Variants in P2RY6 observed in about 807,000 individuals in gnomAD.
P2RY6 encodes P2Y purinoceptor 6.
A neutral mutation model predicts 16.3 loss-of-function variants in P2RY6; 19 were observed. That is an observed-to-expected ratio of 1.16 (90% CI 0.81 to 1.71). The LOEUF is 1.71. Among genes scored for constraint, P2RY6 ranks in the 40% most tolerant of loss-of-function variants. P2RY6 has a pLI of 0.00. For synonymous variants in P2RY6, 184 were observed against 201.5 expected (o/e 0.91, Z 0.74); for missense variants, 389 against 455.5 (o/e 0.85, Z 1.33).
chr11:73,294,062 G>A (rs1412922774), intron 1 of P2RY6, among the ~76,000 whole-genome samples: 1 of 152,006 alleles, frequency 6.6e-6, no homozygotes, highest in Non-Finnish European at 1.5e-5. Flanking sequence ...TTCTTTGTCA[G>A]ACCCTGTATG....
intron 1 of P2RY6, among the ~76,000 whole-genome samples, chr11:73,294,404 T>A (rs1338127307): frequency 6.6e-6 from 1 of 152,228 alleles, no homozygotes; most frequent in Non-Finnish European, 1.5e-5. Context: ...AACAAGAGAA[T>A]GAACATGTGA....
chr11:73,293,033 T>C, intron 1 of P2RY6: 2 of 522,320 alleles, frequency 3.8e-6, no homozygotes, highest in Non-Finnish European at 4.9e-6. Context: ...GGTTCAGCAT[T>C]GACTTAAAGG....
chr11:73,281,170 G>T (rs2135715910), intron 1 of P2RY6, among the ~76,000 whole-genome samples: 1 of 152,306 alleles, frequency 6.6e-6, no homozygotes, highest in South Asian at 2.1e-4. Flanking sequence ...AGGACAGCGG[G>T]CTCTTGGCAC....
At chr11:73,292,458 G>A (rs1189432733) in intron 1 of P2RY6, among the ~76,000 whole-genome samples, 2 of 152,198 alleles carry the variant, frequency 1.3e-5, no homozygotes, top group African/African-American at 4.8e-5. Context: ...GGCTCTGAGT[G>A]TTATAGCTAA....
At chr11:73,292,212 T>C (rs1409210886) in intron 1 of P2RY6, among the ~76,000 whole-genome samples, 2 of 152,200 alleles carry the variant, frequency 1.3e-5, no homozygotes, top group African/African-American at 4.8e-5. Context: ...GGGCAGTCGC[T>C]GTGAAATGGG....
chr11:73,268,858 G>A (rs1591658515), upstream of P2RY6, among the ~76,000 whole-genome samples: 1 of 152,236 alleles, frequency 6.6e-6, no homozygotes, highest in Non-Finnish European at 1.5e-5. Flanking sequence ...CCAGGGATGT[G>A]CACGAGACCA....
At chr11:73,277,205 C>T (rs997334883) in intron 1 of P2RY6, among the ~76,000 whole-genome samples, 5 of 152,004 alleles carry the variant, frequency 3.3e-5, no homozygotes, top group African/African-American at 4.8e-5. Flanking sequence ...CCTCTGCCTC[C>T]CAGGTTCAAG....
At chr11:73,293,129 G>C (rs984822832) in intron 1 of P2RY6, among the ~76,000 whole-genome samples, 3 of 152,212 alleles carry the variant, frequency 2.0e-5, no homozygotes, top group Non-Finnish European at 4.4e-5. Flanking sequence ...GAGATCTGGA[G>C]CTAGATAGAC....
intron 1 of P2RY6, among the ~76,000 whole-genome samples, chr11:73,293,571 A>T (rs1369513431): frequency 6.6e-6 from 1 of 151,926 alleles, no homozygotes; most frequent in African/African-American, 2.4e-5. Context: ...AGCCAAGAGC[A>T]CCCTCCTTGA....
In P2RY6 at chr11:73,298,444, G is replaced by C. The variant is rs1864597855; in HGVS notation, c.*939G>C. The C allele has an allele frequency of 6.0e-6, 1 of 167,194 alleles. No individual in the cohort carries two copies. The highest frequency in any genetic ancestry group is 2.4e-5 in the African/African-American group (1 of 41,476). 10.4% of individuals were successfully genotyped at this position (167,194 alleles called of 1,614,324 possible). A position where few individuals can be genotyped will look rare whatever the true frequency, so the allele number is the denominator to read the frequency against. On this transcript the variant is annotated 3_prime_UTR_variant, in exon 3 of 3. Coordinates refer to ENST00000540124, the MANE Select transcript of P2RY6 (RefSeq NM_001277204.2). Reference sequence around the variant, plus strand: ...TGCTCCAGGCAGTGGGAAGCCAATGGAGGGATTAAGCGGCGGAAGCTTCTT... The same window carrying C: ...TGCTCCAGGCAGTGGGAAGCCAATGCAGGGATTAAGCGGCGGAAGCTTCTT...
intron 1 of P2RY6, chr11:73,292,966 CGG>C (rs1393817542): frequency 2.7e-4 from 5 of 18,522 alleles, no homozygotes; most frequent in Non-Finnish European, 3.4e-4. Flanking sequence ...GCAGGGGTTG[CGG>C]GGGGTGGGGG....
chr11:73,287,200 C>A (rs1214178368), intron 1 of P2RY6, among the ~76,000 whole-genome samples: 3 of 152,228 alleles, frequency 2.0e-5, no homozygotes, highest in Non-Finnish European at 2.9e-5. Context: ...TCGCCCAGGA[C>A]AATGCCTGGA....
upstream of P2RY6, among the ~76,000 whole-genome samples, chr11:73,269,002 T>C (rs1043330862): frequency 6.6e-6 from 1 of 151,460 alleles, no homozygotes; most frequent in Non-Finnish European, 1.5e-5. Flanking sequence ...CCCAAGGGAG[T>C]AGCCAGTACT....
intron 2 of P2RY6, 69 bp from the exon 3 acceptor site, chr11:73,296,416 C>G: frequency 7.0e-7 from 1 of 1,421,910 alleles, no homozygotes; most frequent in Non-Finnish European, 9.7e-7. Flanking sequence ...GATCAAGGCC[C>G]GAGGAGGGGC....
At chr11:73,291,014 G>A (rs986876784) in intron 1 of P2RY6, among the ~76,000 whole-genome samples, 3 of 152,206 alleles carry the variant, frequency 2.0e-5, no homozygotes, top group African/African-American at 7.2e-5. Context: ...AGTGGTTGTT[G>A]AGGTGCCAGG....
At chr11:73,283,051 G>A (rs1210957283) in intron 1 of P2RY6, among the ~76,000 whole-genome samples, 2 of 152,168 alleles carry the variant, frequency 1.3e-5, no homozygotes, top group Non-Finnish European at 1.5e-5. Context: ...AGGTCTGTTG[G>A]GTGCCAAGCT....
chr11:73,267,114 A>C (rs1248147486), intron 1 of P2RY6, among the ~76,000 whole-genome samples: 1 of 152,174 alleles, frequency 6.6e-6, no homozygotes, highest in Admixed American at 6.5e-5. Flanking sequence ...CCAACTTTCT[A>C]CACTCCAAAG....
chr11:73,294,069 T>C (rs1239282700), intron 1 of P2RY6, among the ~76,000 whole-genome samples: 1 of 151,638 alleles, frequency 6.6e-6, no homozygotes, highest in East Asian at 1.9e-4. Context: ...TCAGACCCTG[T>C]ATGAGAGGAG....
Position 73,283,695 on chromosome 11 carries a change from C to A in P2RY6, c.-121+11229C>A, listed in dbSNP as rs1352838815. 3.3e-5 allele frequency among the ~76,000 whole-genome samples: 5 copies of A among 152,198 alleles called. No homozygotes were observed. The East Asian group carries it at 9.6e-4, about 29-fold the overall frequency. On this transcript the variant is annotated intron_variant, in intron 1 of 2. Transcript: ENST00000540124. ...CTCTTCCCGGAGCTGGGCTCAAAGG[C>A]TCCTTGCTCTGCCCTGGGCCTGACT... is the stretch of plus-strand genomic sequence containing the variant.
Sources: gnomAD v4.1 joint callset for allele counts (sites outside exome capture counted in the v4.1 genomes callset) on GRCh38, gnomAD v4.1.1 for gene constraint, MANE v1.5 for transcripts, NCBI Gene and HGNC (gene_info 2026-07-23, HGNC 2026-07-21) for gene names.